Variants in RYR3 observed in about 807,000 individuals in gnomAD.
RYR3 encodes ryanodine receptor 3.
RYR3 carries 207 observed loss-of-function variants against 584.3 expected under a neutral mutation model. The observed-to-expected ratio is 0.35, with a 90% confidence interval of 0.32 to 0.40. RYR3 has a LOEUF of 0.40. RYR3 is among the 10% of genes least tolerant of loss of function. The pLI, the probability that RYR3 is intolerant of heterozygous loss-of-function variation, is 1.00. For synonymous variants in RYR3, 2,416 were observed against 2,248.5 expected (o/e 1.07, Z -2.11); for missense variants, 5,616 against 6,089.2 (o/e 0.92, Z 2.59).
intron 16 of RYR3, among the ~76,000 whole-genome samples, chr15:33,593,221 T>C (rs2059217306): frequency 6.6e-6 from 1 of 152,210 alleles, no homozygotes; most frequent in Non-Finnish European, 1.5e-5. Context: ...CCTCAGTGAT[T>C]GTGAGGGCTA....
At chr15:33,806,134 G>A (rs1180342071) in intron 69 of RYR3, among the ~76,000 whole-genome samples, 1 of 152,112 alleles carries the variant, frequency 6.6e-6, no homozygotes, top group Non-Finnish European at 1.5e-5. Flanking sequence ...AGCTTCCCAT[G>A]GCCCGGGCTT....
intron 2 of RYR3, among the ~76,000 whole-genome samples, chr15:33,491,195 A>G (rs988393224): frequency 6.6e-6 from 1 of 152,226 alleles, no homozygotes; most frequent in Non-Finnish European, 1.5e-5. Flanking sequence ...TAGCCAGGTT[A>G]GGAGTGCTGG....
At chr15:33,738,182 C>G (rs1372090236) in intron 49 of RYR3, among the ~76,000 whole-genome samples, 1 of 152,144 alleles carries the variant, frequency 6.6e-6, no homozygotes, top group Non-Finnish European at 1.5e-5. Context: ...AACGGCTCCT[C>G]TCCATTTCCT....
intron 18 of RYR3, among the ~76,000 whole-genome samples, chr15:33,610,842 T>A (rs558014526): frequency 6.6e-6 from 1 of 152,332 alleles, no homozygotes; most frequent in South Asian, 2.1e-4. Flanking sequence ...TTTTTAATAA[T>A]TTTGTGCATG....
chr15:33,711,436 G>A lies in RYR3; in HGVS notation c.6619+4382G>A, dbSNP rs555424882. 5.9e-5 allele frequency among the ~76,000 whole-genome samples: 9 copies of A among 151,786 alleles called. No individual in the cohort carries two copies. In the South Asian group the frequency reaches 1.7e-3, roughly 28 times the overall value. The stretch of plus-strand genomic sequence containing the variant: ...CTTTTTGTATTTTTAGTAGAGATGG[G>A]GTTTCACCGTGTTAGCCAGGATGGT... On this transcript the variant is annotated intron_variant, in intron 43 of 103. Coordinates refer to ENST00000634891, the MANE Select transcript of RYR3 (RefSeq NM_001036.6).
At chr15:33,779,224 CTTTTCTTTTT>C (rs1488494427) in intron 64 of RYR3, among the ~76,000 whole-genome samples, 6 of 152,114 alleles carry the variant, frequency 3.9e-5, no homozygotes, top group South Asian at 4.1e-4. Context: ...TTTTTCTTTT[CTTTTCTTTTT>C]TTTTCTTTTT....
intron 1 of RYR3, among the ~76,000 whole-genome samples, chr15:33,454,368 G>T (rs1300782150): frequency 1.3e-5 from 2 of 152,266 alleles, no homozygotes; most frequent in East Asian, 1.9e-4. Context: ...CCATACAGTA[G>T]CCTGGGCTAA....
chr15:33,407,276 C>T (rs1173539943), intron 1 of RYR3, among the ~76,000 whole-genome samples: 1 of 152,124 alleles, frequency 6.6e-6, no homozygotes, highest in Non-Finnish European at 1.5e-5. Context: ...CATAATTGTT[C>T]CAACTATAGT....
chr15:33,386,454 A>G (rs1268714954), intron 1 of RYR3, among the ~76,000 whole-genome samples: 95 of 152,230 alleles, frequency 6.2e-4, no homozygotes, highest in Admixed American at 6.1e-3. Flanking sequence ...CTCAAATCAA[A>G]TTGGAGTCAT....
chr15:33,803,712 G>A (rs1007206204), intron 69 of RYR3, among the ~76,000 whole-genome samples: 7 of 152,116 alleles, frequency 4.6e-5, no homozygotes, highest in Non-Finnish European at 8.8e-5. Flanking sequence ...ATGGAGTTTC[G>A]CCATGTTGGC....
At position 33,562,781 on chromosome 15, in the gene RYR3, G is replaced by C. The variant is rs962594671; in HGVS notation, c.973-56G>C. 5 of 1,329,248 alleles carry C rather than the reference G, an allele frequency of 3.8e-6. No individual in the cohort carries two copies. The African/African-American group carries it at 4.4e-5, about 12-fold the overall frequency. The allele number at this position is 1,329,248 out of a possible 1,614,324, so 82.3% of individuals were successfully genotyped here. ...TCATAGGTGATTCGTTTTGTATATT[G>C]AGCTTCTAATTTAATCAGCTATGCC... On this transcript the variant is annotated intron_variant, in intron 10 of 103. Transcript: ENST00000634891.
intron 2 of RYR3, among the ~76,000 whole-genome samples, chr15:33,477,575 T>TA (rs3084422): frequency 0.047 from 5,441 of 116,396 alleles, 239 homozygotes; most frequent in African/African-American, 0.11. Flanking sequence ...CTTGTTTTGT[T>TA]AAAAAAAAAA....
intron 87 of RYR3, among the ~76,000 whole-genome samples, chr15:33,836,576 A>T (rs1289495798): frequency 6.6e-6 from 1 of 151,812 alleles, no homozygotes; most frequent in African/African-American, 2.4e-5. Flanking sequence ...AGTGTAGATA[A>T]TGACAACGTA....
Position 33,562,828 on chromosome 15 carries a change from A to G in RYR3, c.973-9A>G, listed in dbSNP as rs2057484261. ...TGCCTATGTTTGTTTCTTTTTGTGT[A>G]TGAATTAGGAACTCAAGGAGAAATT... is the stretch of plus-strand genomic sequence containing the variant. On this transcript the variant is annotated splice_polypyrimidine_tract_variant and intron_variant, in intron 10 of 103. Coordinates refer to ENST00000634891, the MANE Select transcript of RYR3 (RefSeq NM_001036.6). The G allele has an allele frequency of 6.2e-7, 1 of 1,604,568 alleles. No individual in the cohort carries two copies. The highest frequency in any genetic ancestry group is 2.2e-5 in the East Asian group (1 of 44,760).
At chr15:33,409,259 G>A (rs1173264880) in intron 1 of RYR3, among the ~76,000 whole-genome samples, 1 of 151,470 alleles carries the variant, frequency 6.6e-6, no homozygotes, top group African/African-American at 2.4e-5. Context: ...ATGTATACAT[G>A]TGCCATGTTG....
Position 33,800,829 on chromosome 15 carries a change from A to T in RYR3, c.9890A>T (p.Glu3297Val). The T allele has an allele frequency of 6.2e-7, 1 of 1,613,750 alleles. No individual in the cohort carries two copies. The change falls in exon 68 of 104, where the codon GAA (glutamate) becomes GTA (valine). Residue 3297 changes from glutamate (E) to valine (V), a missense_variant. By Grantham distance (121) the Glu-to-Val change is moderately radical (BLOSUM62 -2). Transcript: ENST00000634891. Reference sequence around the variant, plus strand: ...GACCAGCTCTTCCGCATGGTGGCAGAAGTCTTCATTCTGTGGTGTAAATCT... The same window carrying T: ...GACCAGCTCTTCCGCATGGTGGCAGTAGTCTTCATTCTGTGGTGTAAATCT... ...DSDQLFRMVA[E>V]VFILWCKSHN...
chr15:33,502,259 C>T (rs1047107798), intron 2 of RYR3, among the ~76,000 whole-genome samples: 1 of 152,118 alleles, frequency 6.6e-6, no homozygotes, highest in African/African-American at 2.4e-5. Context: ...AATAAACACT[C>T]AGAAATTAAA....
At chr15:33,520,173 G>GT (rs1364829003) in intron 3 of RYR3, among the ~76,000 whole-genome samples, 1 of 152,176 alleles carries the variant, frequency 6.6e-6, no homozygotes, top group East Asian at 1.9e-4. Flanking sequence ...GGGTAAAGGT[G>GT]TTACACACAG....
chr15:33,668,005 G>A (rs1473104722), intron 36 of RYR3, among the ~76,000 whole-genome samples: 3 of 149,374 alleles, frequency 2.0e-5, no homozygotes, highest in Non-Finnish European at 4.4e-5. Context: ...GGAGGTTGCA[G>A]TGAGCCAAGA....
Sources: gnomAD v4.1 joint callset for allele counts (sites outside exome capture counted in the v4.1 genomes callset) on GRCh38, gnomAD v4.1.1 for gene constraint, MANE v1.5 for transcripts, NCBI Gene and HGNC (gene_info 2026-07-23, HGNC 2026-07-21) for gene names.